Variants in GIN1 observed in about 807,000 individuals in gnomAD.
GIN1 encodes the protein gypsy retrotransposon integrase-like protein 1.
Under a neutral mutation model 51.4 loss-of-function variants are expected in GIN1, and 41 were observed. The observed-to-expected ratio is 0.80, with a 90% CI of 0.62 to 1.04. GIN1 has a LOEUF of 1.04. GIN1 is among the 50% of genes least tolerant of loss of function. The pLI, the probability that GIN1 is intolerant of heterozygous loss-of-function variation, is 0.00. For missense variants in GIN1, 610 were observed against 612.4 expected (o/e 1.00, Z 0.04); for synonymous variants, 222 against 206.5 (o/e 1.07, Z -0.64).
chr5:103,112,883 C>A (rs1051860163), intron 1 of GIN1, among the ~76,000 whole-genome samples: 7 of 151,940 alleles, frequency 4.6e-5, no homozygotes, highest in African/African-American at 1.7e-4. Context: ...AAAATGAAAT[C>A]CCTGTCCTCA....
Position 103,087,043 on chromosome 5 carries a change from G to C in GIN1, c.*855C>G. 6.6e-6 allele frequency: 1 copy of C among 152,248 alleles called. No individual in the cohort carries two copies. The highest frequency in any genetic ancestry group is 1.9e-4 in the East Asian group (1 of 5,192). The allele number at this position is 152,248 out of a possible 1,614,324, so 9.4% of individuals were successfully genotyped here. A position where few individuals can be genotyped will look rare whatever the true frequency, so the allele number is the denominator to read the frequency against. The stretch of plus-strand genomic sequence containing the variant: ...GCTGGAGAGCTGTGGCATGAGCGCG[G>C]CTCACTGCAGCCTCGACCTCCTGGG... On this transcript the variant is annotated 3_prime_UTR_variant, in exon 8 of 8. Transcript: ENST00000399004.
In GIN1 at chr5:103,108,595, C is replaced by A. The variant is rs1787789981; in HGVS notation, c.113G>T (p.Arg38Ile). 1 of 1,603,418 alleles carries A rather than the reference C, an allele frequency of 6.2e-7. No homozygotes were observed. Among genetic ancestry groups the A allele is most frequent in the African/African-American group, 1.3e-5 (1 of 74,562 alleles). Residue 38 changes from arginine to isoleucine, a missense_variant, in exon 2 of 8, where the codon AGA (arginine) becomes ATA (isoleucine). By Grantham distance (97) the Arg-to-Ile change is moderately conservative. Coordinates refer to ENST00000399004, the MANE Select transcript of GIN1 (RefSeq NM_017676.2). ...TTTGAAGACAAATTTTTTTGCTGCT[C>A]TTCTTATGCCACTTCTCTCACTTGG... ...TLPSERSGIR[R>I]AAKKFVFKEK... is the part of the protein sequence containing the mutation.
rs1268386688 is a variant in GIN1, at chr5:103,086,229, T to C, written c.*1669A>G. 6.6e-6 allele frequency: 1 copy of C among 152,118 alleles called. No individual in the cohort carries two copies. The highest frequency in any genetic ancestry group is 1.5e-5 in the Non-Finnish European group (1 of 68,026). 9.4% of individuals were successfully genotyped at this position (152,118 alleles called of 1,614,324 possible). ...TTCTCCTTGAGTCTGTGTTCAAATTTTCCCCTTTTATCAGAACACCAGTAA... is the reference window on the plus strand; with the variant it reads ...TTCTCCTTGAGTCTGTGTTCAAATTCTCCCCTTTTATCAGAACACCAGTAA... On this transcript the variant is annotated 3_prime_UTR_variant, in exon 8 of 8. Coordinates refer to ENST00000399004, the MANE Select transcript of GIN1 (RefSeq NM_017676.2).
In GIN1 at chr5:103,096,514, A is replaced by G. The variant is rs782172246; in HGVS notation, c.1294+27T>C. The stretch of plus-strand genomic sequence containing the variant: ...CTATTCTCCTTACCTAAAGCAATAA[A>G]AATGTAGAGAAGTGACAGATATTTA... On this transcript the variant is annotated intron_variant, in intron 7 of 7. Coordinates refer to ENST00000399004, the MANE Select transcript of GIN1 (RefSeq NM_017676.2). 2.6e-6 allele frequency: 4 copies of G among 1,518,652 alleles called. No individual in the cohort carries two copies. In the South Asian group the frequency reaches 4.8e-5, roughly 18 times the overall value. The allele number at this position is 1,518,652 out of a possible 1,614,324, so 94.1% of individuals were successfully genotyped here. A position where few individuals can be genotyped will look rare whatever the true frequency, so the allele number is the denominator to read the frequency against.
chr5:103,115,747 C>T (rs933103506), intron 1 of GIN1, among the ~76,000 whole-genome samples: 23 of 151,892 alleles, frequency 1.5e-4, no homozygotes, highest in African/African-American at 5.3e-4. Context: ...GTTTTGCTTT[C>T]GACAAGGGAG....
rs782437628 is a variant in GIN1 at position 103,097,575 on chromosome 5, T to C, written c.831+15A>G. On this transcript the variant is annotated intron_variant, in intron 5 of 7. Coordinates refer to ENST00000399004, the MANE Select transcript of GIN1 (RefSeq NM_017676.2). ...GTCATAACTCAGAAGTACAGAATTA[T>C]AAAAAGGCACATACCAAGTGAGTTA... The C allele has an allele frequency of 3.2e-6, 5 of 1,567,150 alleles. No homozygotes were observed. The highest frequency in any genetic ancestry group is 2.2e-5 in the East Asian group (1 of 44,640).
intron 1 of GIN1, among the ~76,000 whole-genome samples, chr5:103,112,524 T>G (rs1293081804): frequency 6.6e-6 from 1 of 152,190 alleles, no homozygotes; most frequent in Non-Finnish European, 1.5e-5. Context: ...TAATACAGCT[T>G]CTTCTCTCAC....
At chr5:103,097,288 A>G (rs782778300) in intron 6 of GIN1, 26 bp downstream of exon 6, 1 of 1,383,246 alleles carries the variant, frequency 7.2e-7, no homozygotes, top group Admixed American at 1.9e-5. Flanking sequence ...GTTTTAGATT[A>G]CAGTTTTTCT....
Position 103,097,186 on chromosome 5 carries a change from A to G in GIN1, c.1008+128T>C, listed in dbSNP as rs1388474298. On this transcript the variant is annotated intron_variant, in intron 6 of 7. Coordinates refer to ENST00000399004, the MANE Select transcript of GIN1 (RefSeq NM_017676.2). The stretch of plus-strand genomic sequence containing the variant: ...TTAATCAAGACAAGAAAAATCTGAT[A>G]GATAAAAAATTATGGCAAGTAAGTA... The G allele has an allele frequency of 1.1e-5, 7 of 643,104 alleles. No homozygotes were observed. The African/African-American group carries it at 1.3e-4, about 12-fold the overall frequency. The allele number at this position is 643,104 out of a possible 1,614,324, so 39.8% of individuals were successfully genotyped here. A position where few individuals can be genotyped will look rare whatever the true frequency, so the allele number is the denominator to read the frequency against.
At chr5:103,119,777 C>A (rs145081256) in intron 1 of GIN1, among the ~76,000 whole-genome samples, 1 of 152,156 alleles carries the variant, frequency 6.6e-6, no homozygotes, top group African/African-American at 2.4e-5. Flanking sequence ...CAAGGTCCAA[C>A]CACACTCAGA....
rs1229777099 is a variant in GIN1 at position 103,097,646 on chromosome 5, T to C, written c.775A>G (p.Asn259Asp). The change falls in exon 5 of 8, where the codon AAC (asparagine) becomes GAC (aspartate). Residue 259 changes from asparagine (N) to aspartate (D), a missense_variant. Physicochemically the swap from Asn to Asp is conservative, Grantham distance 23. Coordinates refer to ENST00000399004, the MANE Select transcript of GIN1 (RefSeq NM_017676.2). ...FLSKHCADHPNNWDDHLSAVS... is the reference protein window; with the variant it reads ...FLSKHCADHPDNWDDHLSAVS... ...GCTGATAGGTGATCATCCCAATTGT[T>C]TGGGTGGTCAGCACAGTGTTTGGAG... 13 of 1,612,204 alleles carry C rather than the reference T, an allele frequency of 8.1e-6. No individual in the cohort carries two copies. The highest frequency in any genetic ancestry group is 1.3e-5 in the African/African-American group (1 of 74,890).
chr5:103,107,024 C>T (rs1787746438), intron 2 of GIN1, 115 bp from the exon 3 acceptor site: 3 of 592,804 alleles, frequency 5.1e-6, no homozygotes, highest in African/African-American at 1.9e-5. Context: ...TTTGTAAAAT[C>T]TTACTGCATT....
At chr5:103,100,062 C>G (rs1787525950) in intron 4 of GIN1, among the ~76,000 whole-genome samples, 1 of 151,860 alleles carries the variant, frequency 6.6e-6, no homozygotes, top group Admixed American at 6.6e-5. Flanking sequence ...TTTGTTTAAG[C>G]AATCTCACAA....
chr5:103,103,189 T>C (rs1347115214), intron 4 of GIN1, among the ~76,000 whole-genome samples: 10 of 152,322 alleles, frequency 6.6e-5, no homozygotes, highest in Admixed American at 3.9e-4. Context: ...AGAAGGTGCT[T>C]ATGTGACCAG....
intron 1 of GIN1, among the ~76,000 whole-genome samples, chr5:103,110,591 C>G (rs1487715940): frequency 6.6e-6 from 1 of 152,024 alleles, no homozygotes; most frequent in East Asian, 1.9e-4. Flanking sequence ...AAGACAACAC[C>G]AAGTGTTGGT....
intron 7 of GIN1, among the ~76,000 whole-genome samples, chr5:103,095,298 G>A (rs1424896406): frequency 6.6e-6 from 1 of 152,050 alleles, no homozygotes; most frequent in Non-Finnish European, 1.5e-5. Context: ...TGATAAAGTG[G>A]GGAACATAAT....
intron 4 of GIN1, among the ~76,000 whole-genome samples, chr5:103,099,858 T>C (rs377284517): frequency 2.3e-4 from 35 of 152,336 alleles, no homozygotes; most frequent in African/African-American, 8.4e-4. Flanking sequence ...ATCTGTATTT[T>C]TATTCAACTA....
At chr5:103,090,652 T>C (rs1787212467) in intron 7 of GIN1, among the ~76,000 whole-genome samples, 1 of 152,174 alleles carries the variant, frequency 6.6e-6, no homozygotes, top group African/African-American at 2.4e-5. Flanking sequence ...GTTTTCTGTC[T>C]GTAAAAGTTT....
At chr5:103,099,088 G>A (rs1325954484) in intron 4 of GIN1, among the ~76,000 whole-genome samples, 1 of 151,672 alleles carries the variant, frequency 6.6e-6, no homozygotes, top group Non-Finnish European at 1.5e-5. Flanking sequence ...AGTAGTATCA[G>A]AATAACTAAA....
Sources: gnomAD v4.1 joint callset for allele counts (sites outside exome capture counted in the v4.1 genomes callset) on GRCh38, gnomAD v4.1.1 for gene constraint, MANE v1.5 for transcripts, NCBI Gene and HGNC (gene_info 2026-07-23, HGNC 2026-07-21) for gene names.